RASAL2: variants seen among roughly 807,000 people sequenced by gnomAD.
RASAL2 encodes the protein RAS protein activator like 2, also known as ras GTPase-activating protein nGAP.
Under a neutral mutation model 128.9 loss-of-function variants are expected in RASAL2, and 58 were observed. That is an observed-to-expected ratio of 0.45 (90% CI 0.36 to 0.56). RASAL2 has a LOEUF of 0.56. RASAL2 is among the 20% of genes least tolerant of loss of function. The probability of loss-of-function intolerance (pLI) is 0.00; values close to 1 mark genes in which losing one functional copy is unlikely to be tolerated. For synonymous variants in RASAL2, 561 were observed against 580.8 expected, an observed-to-expected ratio of 0.97 and a Z score of 0.49; for missense variants, 1,360 against 1,601.6, an observed-to-expected ratio of 0.85 and a Z score of 2.57.
intron 4 of RASAL2, among the ~76,000 whole-genome samples, chr1:178,414,788 A>T (rs1380292607): frequency 2.6e-5 from 4 of 152,126 alleles, no homozygotes; most frequent in Admixed American, 2.6e-4. Flanking sequence ...TCTTTAATAG[A>T]TATAGCCCTA....
At chr1:178,095,918 A>C (rs976417843) in intron 1 of RASAL2, among the ~76,000 whole-genome samples, 2 of 152,176 alleles carry the variant, frequency 1.3e-5, no homozygotes, top group Admixed American at 1.3e-4. Context: ...TGACCCTTTT[A>C]ATCATAAAAA....
chr1:178,309,887 G>T (rs751174399), intron 3 of RASAL2, among the ~76,000 whole-genome samples: 1 of 149,586 alleles, frequency 6.7e-6, no homozygotes, highest in Non-Finnish European at 1.5e-5. Context: ...ATTTAAAAGC[G>T]GATAGAATGT....
chr1:178,243,212 T>C (rs1309867017), intron 1 of RASAL2, among the ~76,000 whole-genome samples: 3 of 152,158 alleles, frequency 2.0e-5, no homozygotes, highest in African/African-American at 7.2e-5. Flanking sequence ...TTTTCAGAGA[T>C]TTTGCAGTAC....
intron 2 of RASAL2, among the ~76,000 whole-genome samples, chr1:178,289,418 G>A (rs1667178760): frequency 6.6e-6 from 1 of 151,948 alleles, no homozygotes; most frequent in African/African-American, 2.4e-5. Context: ...TTATAGTCTT[G>A]AGACTATAAA....
At chr1:178,271,560 TAGAC>T (rs915641822) in intron 1 of RASAL2, among the ~76,000 whole-genome samples, 19 of 152,214 alleles carry the variant, frequency 1.2e-4, no homozygotes, top group African/African-American at 4.6e-4. Context: ...ATCTTGGCCT[TAGAC>T]AGATGGATCT....
At chr1:178,272,321 A>C (rs1170758546) in intron 1 of RASAL2, among the ~76,000 whole-genome samples, 1 of 152,236 alleles carries the variant, frequency 6.6e-6, no homozygotes, top group Non-Finnish European at 1.5e-5. Flanking sequence ...ATTCTAAGAT[A>C]GCTATGCTAG....
intron 4 of RASAL2, among the ~76,000 whole-genome samples, chr1:178,398,908 A>AC (rs1391351957): frequency 1.3e-5 from 2 of 152,146 alleles, no homozygotes; most frequent in Admixed American, 6.5e-5. Context: ...CCTTCCCTGA[A>AC]CTAGTACCAG....
intron 1 of RASAL2, among the ~76,000 whole-genome samples, chr1:178,203,402 C>T (rs1490305928): frequency 6.6e-6 from 1 of 152,148 alleles, no homozygotes; most frequent in Non-Finnish European, 1.5e-5. Flanking sequence ...CTTGGCAAGG[C>T]TGGGGCAGAG....
chr1:178,249,912 G>T (rs1038168587), intron 1 of RASAL2, among the ~76,000 whole-genome samples: 1 of 152,180 alleles, frequency 6.6e-6, no homozygotes, highest in Non-Finnish European at 1.5e-5. Context: ...CAGCAAAATT[G>T]CTACCTGTTC....
At chr1:178,103,884 T>G (rs1658996340) in intron 1 of RASAL2, among the ~76,000 whole-genome samples, 1 of 152,158 alleles carries the variant, frequency 6.6e-6, no homozygotes, top group Non-Finnish European at 1.5e-5. Flanking sequence ...ATTTTTCTTT[T>G]ATGGCTTTTT....
At chr1:178,306,176 C>T (rs536361518) in intron 3 of RASAL2, among the ~76,000 whole-genome samples, 2 of 152,264 alleles carry the variant, frequency 1.3e-5, no homozygotes, top group South Asian at 4.1e-4. Context: ...CGATAGTTTA[C>T]TGAGAATGAT....
intron 1 of RASAL2, among the ~76,000 whole-genome samples, chr1:178,166,613 G>A (rs1028896845): frequency 6.5e-4 from 99 of 152,142 alleles, no homozygotes; most frequent in African/African-American, 2.3e-3. Flanking sequence ...AATAAGTAGT[G>A]TCACCAAAGA....
At chr1:178,282,475 A>G (rs1666831661) in intron 1 of RASAL2, among the ~76,000 whole-genome samples, 1 of 152,150 alleles carries the variant, frequency 6.6e-6, no homozygotes, top group Non-Finnish European at 1.5e-5. Context: ...CTAGGAAATT[A>G]TTTGCCTTTC....
intron 1 of RASAL2, among the ~76,000 whole-genome samples, chr1:178,247,691 C>T (rs1293791293): frequency 6.6e-6 from 1 of 152,164 alleles, no homozygotes; most frequent in Non-Finnish European, 1.5e-5. Flanking sequence ...TTCCCACTTT[C>T]TGATATGGGC....
chr1:178,472,874 G>A (rs1316307766), intron 17 of RASAL2, among the ~76,000 whole-genome samples: 5 of 152,130 alleles, frequency 3.3e-5, no homozygotes, highest in South Asian at 2.1e-4. Context: ...AAGAGAGAGA[G>A]AAAAAAATAA....
chr1:178,105,526 C>G (rs1349474863), intron 1 of RASAL2, among the ~76,000 whole-genome samples: 1 of 152,152 alleles, frequency 6.6e-6, no homozygotes, highest in African/African-American at 2.4e-5. Context: ...TTGTTTAATT[C>G]GGGCAGGATA....
chr1:178,188,757 A>G (rs1050199094), intron 1 of RASAL2, among the ~76,000 whole-genome samples: 2 of 152,166 alleles, frequency 1.3e-5, no homozygotes, highest in African/African-American at 4.8e-5. Context: ...GAGTGTTACT[A>G]TTTAGAAGGC....
rs151298164 is a variant in RASAL2, at chr1:178,458,224, C to T, written c.2932C>T (p.Arg978Cys). The T allele has an allele frequency of 3.5e-5, 56 of 1,614,234 alleles. No homozygotes were observed. Among genetic ancestry groups the T allele is most frequent in the Admixed American group, 8.3e-5 (5 of 60,028 alleles). Residue 978 changes from arginine (R) to cysteine (C), a missense_variant, in exon 14 of 18, where the codon CGT becomes TGT. Around this residue, in one of 3 missense-constraint regions of RASAL2, gnomAD observed 741 missense variants for 868.6 expected, o/e 0.85. Coordinates refer to ENST00000367649, the MANE Select transcript of RASAL2 (RefSeq NM_170692.4). The part of the protein sequence containing the change: ...SNSSMEDFTK[R>C]STQSEDFSRR... ...TAGCAGCATGGAAGATTTCACTAAA[C>T]GTAGCACTCAGAGTGAGGACTTCTC...
intron 1 of RASAL2, among the ~76,000 whole-genome samples, chr1:178,242,784 T>A (rs1664575697): frequency 6.6e-6 from 1 of 152,124 alleles, no homozygotes; most frequent in African/African-American, 2.4e-5. Context: ...CTGGAGTGAG[T>A]GGTGCCATCA....
Sources: allele counts gnomAD v4.1 joint callset (sites outside exome capture counted in the v4.1 genomes callset), GRCh38; gene constraint gnomAD v4.1.1; regional missense constraint gnomAD v4.1.1; transcripts MANE v1.5; gene names NCBI Gene and HGNC (gene_info 2026-07-23, HGNC 2026-07-21).